Variants in ST6GAL1 observed in about 807,000 individuals in gnomAD.
ST6GAL1 encodes the protein beta-galactoside alpha-2,6-sialyltransferase 1.
ST6GAL1 carries 20 observed loss-of-function variants against 38.0 expected under a neutral mutation model. That is an observed-to-expected ratio of 0.53 (90% confidence interval 0.37 to 0.77). The LOEUF is 0.77. Among genes scored for constraint, ST6GAL1 ranks in the 30% least tolerant of loss-of-function variants. ST6GAL1 has a pLI of 0.00. For synonymous variants in ST6GAL1, 196 were observed against 188.2 expected, an observed-to-expected ratio of 1.04 and a Z score of -0.34; for missense variants, 432 against 496.4, an observed-to-expected ratio of 0.87 and a Z score of 1.23.
chr3:187,008,467 C>T (rs991831905), intron 2 of ST6GAL1, among the ~76,000 whole-genome samples: 23 of 152,020 alleles, frequency 1.5e-4, no homozygotes, highest in East Asian at 5.8e-4. Context: ...AGTGAAACCC[C>T]GTCTTTAGAA....
chr3:187,074,053 T>G, intron 6 of ST6GAL1, 106 bp from the exon 7 acceptor site: 1 of 1,045,484 alleles, frequency 9.6e-7, no homozygotes, highest in Non-Finnish European at 1.4e-6. Flanking sequence ...GGAGCAACAC[T>G]TGTTGATCCT....
chr3:187,049,239 G>A (rs1232449859), intron 4 of ST6GAL1, among the ~76,000 whole-genome samples: 4 of 152,142 alleles, frequency 2.6e-5, no homozygotes, highest in African/African-American at 4.8e-5. Context: ...TCACTCTCTG[G>A]ATTTTCTCTG....
chr3:187,027,663 C>T (rs566666079), intron 2 of ST6GAL1, among the ~76,000 whole-genome samples: 6 of 152,236 alleles, frequency 3.9e-5, no homozygotes, highest in African/African-American at 1.4e-4. Flanking sequence ...TAGAAGCTCA[C>T]TGACAGAACC....
intron 1 of ST6GAL1, among the ~76,000 whole-genome samples, chr3:186,954,557 G>C (rs1714685015): frequency 6.6e-6 from 1 of 152,102 alleles, no homozygotes; most frequent in Non-Finnish European, 1.5e-5. Flanking sequence ...TTGTGGTTTT[G>C]ATTTGCATTT....
At chr3:187,019,675 G>A (rs953320001) in intron 2 of ST6GAL1, among the ~76,000 whole-genome samples, 3 of 152,158 alleles carry the variant, frequency 2.0e-5, no homozygotes, top group African/African-American at 7.2e-5. Flanking sequence ...TAGAGAAATG[G>A]GAGTCCTTCA....
chr3:186,956,734 C>T (rs980587853), intron 1 of ST6GAL1, among the ~76,000 whole-genome samples: 1 of 152,190 alleles, frequency 6.6e-6, no homozygotes, highest in African/African-American at 2.4e-5. Context: ...CACAATCACC[C>T]TCCCGTAAGA....
chr3:187,055,569 T>C (rs1248830822), intron 5 of ST6GAL1, among the ~76,000 whole-genome samples: 1 of 152,190 alleles, frequency 6.6e-6, no homozygotes, highest in African/African-American at 2.4e-5. Context: ...ATGTCCCCAG[T>C]AGTCATTCAG....
chr3:187,074,667 G>A (rs12636876), intron 7 of ST6GAL1, among the ~76,000 whole-genome samples: 14,421 of 151,946 alleles, frequency 0.095, 792 homozygotes, highest in East Asian at 0.17. Context: ...AGTAGTGTTC[G>A]GTAGGCTTTG....
chr3:186,987,393 G>A, intron 2 of ST6GAL1, among the ~76,000 whole-genome samples: 1 of 152,154 alleles, frequency 6.6e-6, no homozygotes, highest in East Asian at 1.9e-4. Flanking sequence ...CCTACCCAAG[G>A]TCCACAGCTA....
At chr3:187,070,944 G>A (rs982568691) in intron 5 of ST6GAL1, among the ~76,000 whole-genome samples, 1 of 152,174 alleles carries the variant, frequency 6.6e-6, no homozygotes, top group African/African-American at 2.4e-5. Flanking sequence ...GATATATTGA[G>A]GAAATGAGAG....
intron 1 of ST6GAL1, among the ~76,000 whole-genome samples, chr3:186,955,219 T>C (rs1714707848): frequency 6.6e-6 from 1 of 152,210 alleles, no homozygotes; most frequent in Non-Finnish European, 1.5e-5. Context: ...TACCATGCTG[T>C]TTTGGTTACT....
chr3:187,047,236 C>T (rs1033346789), intron 4 of ST6GAL1, among the ~76,000 whole-genome samples: 14 of 148,654 alleles, frequency 9.4e-5, no homozygotes, highest in Non-Finnish European at 1.5e-4. Flanking sequence ...TGAGCCACCG[C>T]GCCCGGCCAA....
At chr3:187,022,197 A>C (rs1398709229) in intron 2 of ST6GAL1, among the ~76,000 whole-genome samples, 1 of 152,224 alleles carries the variant, frequency 6.6e-6, no homozygotes, top group African/African-American at 2.4e-5. Context: ...CCAGGTAGAT[A>C]GTGTTGGAAC....
At chr3:186,987,219 AAAGCAAGGAAGGAAGGAAG>A in intron 2 of ST6GAL1, among the ~76,000 whole-genome samples, 1 of 151,294 alleles carries the variant, frequency 6.6e-6, no homozygotes, top group South Asian at 2.1e-4. Context: ...AAAAGGAAAG[AAAGCAAGGAAGGAAGGAAG>A]AAAGGAAAGA....
intron 2 of ST6GAL1, among the ~76,000 whole-genome samples, chr3:187,000,039 C>T (rs150207617): frequency 7.3e-5 from 11 of 151,640 alleles, no homozygotes; most frequent in East Asian, 1.9e-4. Context: ...GTTGGCCAGA[C>T]GGATCTTGAA....
chr3:187,033,614 CT>C (rs1379878266), intron 2 of ST6GAL1, among the ~76,000 whole-genome samples: 1 of 152,094 alleles, frequency 6.6e-6, no homozygotes, highest in African/African-American at 2.4e-5. Flanking sequence ...ATTTTCTCCC[CT>C]ATTACTATAT....
At chr3:187,067,885 A>T (rs1719223589) in intron 5 of ST6GAL1, among the ~76,000 whole-genome samples, 1 of 152,136 alleles carries the variant, frequency 6.6e-6, no homozygotes, top group African/African-American at 2.4e-5. Flanking sequence ...TCTGAATTTA[A>T]TACCTTGAGT....
At chr3:186,999,229 ACCACTCG>A (rs1465739985) in intron 2 of ST6GAL1, among the ~76,000 whole-genome samples, 2 of 152,100 alleles carry the variant, frequency 1.3e-5, no homozygotes, top group Non-Finnish European at 2.9e-5. Context: ...GACCATTAAC[ACCACTCG>A]CCTCGTAGAA....
chr3:187,066,958 G>C (rs549662731), intron 5 of ST6GAL1, among the ~76,000 whole-genome samples: 6 of 152,218 alleles, frequency 3.9e-5, no homozygotes, highest in Non-Finnish European at 8.8e-5. Flanking sequence ...AGGCACCTGA[G>C]GCCAGGAGAT....
Sources: gnomAD v4.1 joint callset for allele counts (sites outside exome capture counted in the v4.1 genomes callset) on GRCh38, gnomAD v4.1.1 for gene constraint, MANE v1.5 for transcripts, NCBI Gene and HGNC (gene_info 2026-07-23, HGNC 2026-07-21) for gene names.